The following EYA4 variants were observed in gnomAD, a reference collection of about 807,000 sequenced individuals.
EYA4 encodes EYA transcriptional coactivator and phosphatase 4.
In EYA4, 31 loss-of-function variants were observed where a neutral mutation model predicts 87.9. The observed-to-expected ratio is 0.35, with a 90% CI of 0.27 to 0.48. EYA4 has a LOEUF of 0.48. Among genes scored for constraint, EYA4 ranks in the 20% least tolerant of loss-of-function variants. The pLI, the probability that EYA4 is intolerant of heterozygous loss-of-function variation, is 0.99. For missense variants in EYA4, 678 were observed against 761.4 expected (o/e 0.89, Z 1.29); for synonymous variants, 263 against 270.6 (o/e 0.97, Z 0.28).
At chr6:133,442,767 C>T (rs6907872) in intron 3 of EYA4, among the ~76,000 whole-genome samples, 47,662 of 151,838 alleles carry the variant, frequency 0.31, 7,630 homozygotes, top group East Asian at 0.44. Context: ...ATTTCATCAC[C>T]GAATATGATA....
chr6:133,473,111 T>C (rs1007798040), intron 11 of EYA4, among the ~76,000 whole-genome samples: 6 of 152,078 alleles, frequency 3.9e-5, no homozygotes, highest in African/African-American at 1.4e-4. Flanking sequence ...TTTGTTCAAG[T>C]ATATTTTTCT....
chr6:133,332,312 A>G (rs1782025795), intron 2 of EYA4, among the ~76,000 whole-genome samples: 1 of 152,180 alleles, frequency 6.6e-6, no homozygotes, highest in African/African-American at 2.4e-5. Flanking sequence ...CATCACCCTT[A>G]ATTAAAGTTC....
intron 1 of EYA4, among the ~76,000 whole-genome samples, chr6:133,264,730 C>T (rs930991788): frequency 6.6e-6 from 1 of 152,154 alleles, no homozygotes; most frequent in East Asian, 1.9e-4. Flanking sequence ...CCTCATTCCG[C>T]GGCAGCCTGG....
chr6:133,478,432 G>A (rs961143368), intron 11 of EYA4, among the ~76,000 whole-genome samples: 2 of 142,820 alleles, frequency 1.4e-5, no homozygotes, highest in Admixed American at 1.4e-4. Context: ...TGGATACAGT[G>A]TAATAGATAC....
At chr6:133,243,089 C>CGTGCGT (rs535891765) in intron 1 of EYA4, among the ~76,000 whole-genome samples, 1,714 of 145,470 alleles carry the variant, frequency 0.012, 22 homozygotes, top group South Asian at 0.034. Context: ...GGAGCAACTT[C>CGTGCGT]GTGTGTGTGT....
intron 13 of EYA4, among the ~76,000 whole-genome samples, chr6:133,493,727 G>A (rs1003468619): frequency 1.3e-5 from 2 of 152,046 alleles, no homozygotes; most frequent in Admixed American, 6.5e-5. Context: ...AACATACAAG[G>A]AGCTCAACTC....
chr6:133,432,052 G>T (rs1791232314), intron 3 of EYA4, among the ~76,000 whole-genome samples: 1 of 151,492 alleles, frequency 6.6e-6, no homozygotes, highest in Non-Finnish European at 1.5e-5. Flanking sequence ...TTTCCTTAGG[G>T]ACCTTAACAA....
chr6:133,510,455 T>G (rs1440296014), intron 14 of EYA4: 3 of 355,964 alleles, frequency 8.4e-6, no homozygotes, highest in Admixed American at 3.0e-5. Context: ...TAGAACTACT[T>G]TGGTGCCTCC....
chr6:133,366,265 A>G (rs211629), intron 2 of EYA4, among the ~76,000 whole-genome samples: 102,087 of 152,098 alleles, frequency 0.67, 34,781 homozygotes, highest in Non-Finnish European at 0.75. Flanking sequence ...GACGGTAAAT[A>G]TAGCATTGGT....
chr6:133,248,823 CA>C (rs1774639411), intron 1 of EYA4: 1 of 151,674 alleles, frequency 6.6e-6, no homozygotes, highest in South Asian at 2.1e-4. Flanking sequence ...CTTAAGCATG[CA>C]AACCTCAATA....
intron 2 of EYA4, among the ~76,000 whole-genome samples, chr6:133,342,583 A>ATATATATATATATATAT (rs1259298044): frequency 1.5e-5 from 1 of 66,886 alleles, no homozygotes; most frequent in African/African-American, 6.7e-5. Flanking sequence ...CCATATATAT[A>ATATATATATATATATAT]TATATATATA....
intron 2 of EYA4, among the ~76,000 whole-genome samples, chr6:133,313,245 T>C (rs138828444): frequency 3.9e-5 from 6 of 152,314 alleles, no homozygotes; most frequent in African/African-American, 1.4e-4. Context: ...ACATTGTTCC[T>C]CCTCCTGTGG....
intron 2 of EYA4, among the ~76,000 whole-genome samples, chr6:133,317,317 A>ACCC (rs1449743815): frequency 6.6e-6 from 1 of 152,230 alleles, no homozygotes; most frequent in Non-Finnish European, 1.5e-5. Context: ...TGTCATAATG[A>ACCC]CCCATATAAA....
chr6:133,254,697 A>G (rs1276888629), intron 1 of EYA4, among the ~76,000 whole-genome samples: 1 of 152,200 alleles, frequency 6.6e-6, no homozygotes, highest in Non-Finnish European at 1.5e-5. Flanking sequence ...ATGACAAAGC[A>G]TATTTGCTCT....
chr6:133,396,743 T>C (rs1219392328), intron 3 of EYA4, among the ~76,000 whole-genome samples: 1 of 152,112 alleles, frequency 6.6e-6, no homozygotes, highest in Admixed American at 6.5e-5. Context: ...TGTGCATGCA[T>C]GCAACATGAC....
At chr6:133,266,100 C>T (rs1256884035) in intron 1 of EYA4, among the ~76,000 whole-genome samples, 1 of 152,064 alleles carries the variant, frequency 6.6e-6, no homozygotes, top group Non-Finnish European at 1.5e-5. Context: ...ACTTTTAAAT[C>T]CTAATGTCTG....
At chr6:133,488,672 C>G (rs1399663470) in intron 13 of EYA4, among the ~76,000 whole-genome samples, 1 of 152,136 alleles carries the variant, frequency 6.6e-6, no homozygotes, top group Non-Finnish European at 1.5e-5. Flanking sequence ...TATGAGTCTG[C>G]AAGAGCCACA....
rs201210733 is a variant in EYA4 at position 133,462,348 on chromosome 6, A to G, written c.451A>G (p.Ile151Val). ...QLYPSKPYPH[I>V]LSTPAAQTMS... is the part of the protein sequence containing the mutation. ...TCTGATATTTAGGCCCTATCCACAC[A>G]TTCTTTCTACACCAGCAGCTCAAAC... Residue 151 changes from isoleucine (I) to valine (V), a missense_variant, in exon 8 of 20, where the codon ATT (isoleucine) becomes GTT (valine). By Grantham distance (29) the Ile-to-Val change is conservative. Transcript: ENST00000355286. The G allele has an allele frequency of 3.7e-6, 6 of 1,614,034 alleles. No individual in the cohort carries two copies. The East Asian group carries it at 1.3e-4, about 36-fold the overall frequency.
chr6:133,394,326 G>A (rs1270435239), intron 3 of EYA4, among the ~76,000 whole-genome samples: 2 of 95,310 alleles, frequency 2.1e-5, no homozygotes, highest in Admixed American at 1.6e-4. Flanking sequence ...TTTGGTCATC[G>A]AATGATTTAA....
Sources: allele counts gnomAD v4.1 joint callset (sites outside exome capture counted in the v4.1 genomes callset), GRCh38; gene constraint gnomAD v4.1.1; transcripts MANE v1.5; gene names NCBI Gene and HGNC (gene_info 2026-07-23, HGNC 2026-07-21).